The following ZBTB8A variants were observed in gnomAD, a reference collection of about 807,000 sequenced individuals.
ZBTB8A encodes the protein zinc finger and BTB domain containing 8A.
Under a neutral mutation model 37.8 loss-of-function variants are expected in ZBTB8A, and 19 were observed. The ratio of observed to expected loss-of-function variants is 0.50; its 90% CI spans 0.35 to 0.74. ZBTB8A has a LOEUF of 0.74. Ranked by LOEUF, ZBTB8A falls within the 30% of genes least tolerant of loss-of-function variation. ZBTB8A has a pLI of 0.01. For synonymous variants in ZBTB8A, 181 were observed against 185.2 expected (o/e 0.98, Z 0.19); for missense variants, 394 against 537.8 (o/e 0.73, Z 2.65).
chr1:32,580,551 A>G (rs1644395593), intron 2 of ZBTB8A, among the ~76,000 whole-genome samples: 1 of 142,082 alleles, frequency 7.0e-6, no homozygotes, highest in Non-Finnish European at 1.5e-5. Flanking sequence ...ATTCTGTCTG[A>G]AAAAAAAAAA....
chr1:32,563,311 C>T (rs1644256890), intron 2 of ZBTB8A, among the ~76,000 whole-genome samples: 1 of 152,064 alleles, frequency 6.6e-6, no homozygotes, highest in Non-Finnish European at 1.5e-5. Flanking sequence ...GCGGGAGGAT[C>T]CCGTGGGCCC....
rs1218964587 is a variant in ZBTB8A at position 32,605,147 on chromosome 1, C to CAAAAAAAAAAAAAAAA, written c.*4737_*4752dup. ...CCTGGGTGACAGAGCGAGACTCCATCAAAAAAAAAAAAAAAAAAAAAAAAG... is the reference window on the plus strand; with the variant it reads ...CCTGGGTGACAGAGCGAGACTCCATCAAAAAAAAAAAAAAAAAAAAAAAAAAAAAAAAAAAAAAAAG... On this transcript the variant is annotated 3_prime_UTR_variant, in exon 5 of 5. Transcript: ENST00000373510. The CAAAAAAAAAAAAAAAA allele has an allele frequency of 2.7e-5, 1 of 37,692 alleles. No individual in the cohort carries two copies. The highest frequency in any genetic ancestry group is 8.3e-5 in the African/African-American group (1 of 12,096). The allele number at this position is 37,692 out of a possible 1,614,324, so 2.3% of individuals were successfully genotyped here. A position where few individuals can be genotyped will look rare whatever the true frequency, so the allele number is the denominator to read the frequency against.
intron 1 of ZBTB8A, among the ~76,000 whole-genome samples, chr1:32,550,083 C>T (rs959310256): frequency 2.0e-5 from 3 of 152,046 alleles, no homozygotes; most frequent in Admixed American, 6.6e-5. Flanking sequence ...TGATGCCGGT[C>T]GTGGTGGCTC....
chr1:32,580,829 G>A (rs114919193), intron 2 of ZBTB8A, among the ~76,000 whole-genome samples: 20 of 151,728 alleles, frequency 1.3e-4, no homozygotes, highest in African/African-American at 4.8e-4. Context: ...AAGGATCATC[G>A]GATGGTGGAA....
At chr1:32,561,802 C>A (rs538801738) in intron 2 of ZBTB8A, among the ~76,000 whole-genome samples, 1 of 152,152 alleles carries the variant, frequency 6.6e-6, no homozygotes, top group African/African-American at 2.4e-5. Flanking sequence ...TCTGCAAAGA[C>A]CCTATTTGCA....
chr1:32,580,305 C>A (rs941248846), intron 2 of ZBTB8A, among the ~76,000 whole-genome samples: 1 of 152,022 alleles, frequency 6.6e-6, no homozygotes, highest in African/African-American at 2.4e-5. Flanking sequence ...TGTATATAAT[C>A]CCAGCACTTT....
At chr1:32,547,254 T>C (rs1644112777) in intron 1 of ZBTB8A, among the ~76,000 whole-genome samples, 1 of 152,078 alleles carries the variant, frequency 6.6e-6, no homozygotes, top group South Asian at 2.1e-4. Flanking sequence ...CACCAGAAGA[T>C]ACCTCAGCAA....
Position 32,602,499 on chromosome 1 carries a change from T to C in ZBTB8A, c.*2080T>C, listed in dbSNP as rs1363969588. ...TGCAAGTTATCACAGTGAAGCTTGA[T>C]AGAATTTCACTGTATATGGAGAGGC... On this transcript the variant is annotated 3_prime_UTR_variant, in exon 5 of 5. Transcript: ENST00000373510. 2 of 152,206 alleles carry C rather than the reference T, an allele frequency of 1.3e-5. No individual in the cohort carries two copies. Among genetic ancestry groups the C allele is most frequent in the Non-Finnish European group, 2.9e-5 (2 of 68,038 alleles). 9.4% of individuals were successfully genotyped at this position (152,206 alleles called of 1,614,324 possible).
At chr1:32,572,462 C>G (rs755282529) in intron 2 of ZBTB8A, among the ~76,000 whole-genome samples, 1 of 151,160 alleles carries the variant, frequency 6.6e-6, no homozygotes, top group African/African-American at 2.4e-5. Flanking sequence ...GTGGCGTGAT[C>G]TCACCTTACT....
intron 4 of ZBTB8A, among the ~76,000 whole-genome samples, chr1:32,599,694 G>A (rs1346752217): frequency 6.6e-6 from 1 of 151,932 alleles, no homozygotes; most frequent in Admixed American, 6.6e-5. Context: ...TCCAGCCTGG[G>A]CAACAGAGTG....
intron 2 of ZBTB8A, among the ~76,000 whole-genome samples, 198 bp from the exon 3 acceptor site, chr1:32,592,733 C>T (rs1241779133): frequency 6.6e-6 from 1 of 152,046 alleles, no homozygotes; most frequent in Non-Finnish European, 1.5e-5. Flanking sequence ...CCTCGAACTC[C>T]TGACCTCAGG....
rs1644579209 is a variant in ZBTB8A at position 32,601,951 on chromosome 1, A to G, written c.*1532A>G. ...ATAAAACTATTTGAACAAATTATTC[A>G]CTTAAATATGTTGAACATTTTTGCT... On this transcript the variant is annotated 3_prime_UTR_variant, in exon 5 of 5. Transcript: ENST00000373510. 3.1e-6 allele frequency: 1 copy of G among 321,564 alleles called. No individual in the cohort carries two copies. The highest frequency in any genetic ancestry group is 5.6e-6 in the Non-Finnish European group (1 of 178,950). The allele number at this position is 321,564 out of a possible 1,614,324, so 19.9% of individuals were successfully genotyped here.
intron 2 of ZBTB8A, among the ~76,000 whole-genome samples, chr1:32,586,049 G>C (rs1346663780): frequency 2.0e-5 from 3 of 150,914 alleles, no homozygotes; most frequent in Non-Finnish European, 4.4e-5. Context: ...CGGGCACGGT[G>C]GCTCATGCCT....
chr1:32,582,048 C>G (rs1464906846), intron 2 of ZBTB8A, among the ~76,000 whole-genome samples: 1 of 151,800 alleles, frequency 6.6e-6, no homozygotes, highest in Non-Finnish European at 1.5e-5. Context: ...TTTATCATAT[C>G]AAAAAAATGT....
intron 2 of ZBTB8A, among the ~76,000 whole-genome samples, chr1:32,586,573 C>T (rs1352947594): frequency 6.6e-6 from 1 of 151,946 alleles, no homozygotes; most frequent in Non-Finnish European, 1.5e-5. Flanking sequence ...GATAAGGTGA[C>T]GTTGGAACAG....
rs191564940 is a variant in ZBTB8A at position 32,590,348 on chromosome 1, T to G, written c.-1-2583T>G. ...CAGTATCTCACCTAAGGCCTTTTTT[T>G]TCCCTACCCAGGGCCCTGCAAAGAC... On this transcript the variant is annotated intron_variant, in intron 2 of 4. Coordinates refer to ENST00000373510, the MANE Select transcript of ZBTB8A (RefSeq NM_001040441.3). Among the ~76,000 whole-genome samples, 10 of 152,216 alleles carry G rather than the reference T, an allele frequency of 6.6e-5. No homozygotes were observed. The East Asian group carries it at 1.9e-3, about 29-fold the overall frequency.
At chr1:32,553,886 CAAA>C (rs34338542) in intron 2 of ZBTB8A, among the ~76,000 whole-genome samples, 4 of 77,106 alleles carry the variant, frequency 5.2e-5, no homozygotes. Flanking sequence ...AACTCTGTCT[CAAA>C]AAAAAAAAAA....
chr1:32,554,360 T>C (rs1644182820), intron 2 of ZBTB8A, among the ~76,000 whole-genome samples: 1 of 151,892 alleles, frequency 6.6e-6, no homozygotes, highest in South Asian at 2.1e-4. Context: ...GACATCTTTA[T>C]TTTGAATACT....
chr1:32,565,361 G>A (rs1036367927), intron 2 of ZBTB8A, among the ~76,000 whole-genome samples: 5 of 151,900 alleles, frequency 3.3e-5, no homozygotes, highest in East Asian at 1.9e-4. Context: ...AAAGAAATCC[G>A]TTTTAAGGCT....
Sources: allele counts gnomAD v4.1 joint callset (sites outside exome capture counted in the v4.1 genomes callset), GRCh38; gene constraint gnomAD v4.1.1; transcripts MANE v1.5; gene names NCBI Gene and HGNC (gene_info 2026-07-23, HGNC 2026-07-21).